Variants in SLMAP observed in about 807,000 individuals in gnomAD.
SLMAP encodes the protein sarcolemma associated protein.
In SLMAP, 44 loss-of-function variants were observed where a neutral mutation model predicts 128.8. That is an observed-to-expected ratio of 0.34 (90% CI 0.27 to 0.44). The LOEUF is 0.44. SLMAP is among the 20% of genes least tolerant of loss of function. The pLI is 1.00. For synonymous variants in SLMAP, 327 were observed against 348.8 expected (o/e 0.94, Z 0.70); for missense variants, 787 against 985.3 (o/e 0.80, Z 2.69).
chr3:57,786,691 G>A (rs1249108329), intron 2 of SLMAP, among the ~76,000 whole-genome samples: 2 of 149,306 alleles, frequency 1.3e-5, no homozygotes, highest in Non-Finnish European at 3.0e-5. Flanking sequence ...TGAGTAGCTG[G>A]TATTACAGGT....
intron 2 of SLMAP, among the ~76,000 whole-genome samples, chr3:57,826,851 C>A (rs187438718): frequency 2.6e-5 from 4 of 152,306 alleles, no homozygotes; most frequent in Admixed American, 6.5e-5. Context: ...CCCCAAATGC[C>A]CCCTTTGTTT....
chr3:57,792,905 A>AG lies in SLMAP; in HGVS notation c.198+35057dup, dbSNP rs1007720125. Among the ~76,000 whole-genome samples the AG allele has an allele frequency of 7.5e-4, 114 of 152,196 alleles. 1 individual carries two copies. Among genetic ancestry groups the AG allele is most frequent in the African/African-American group, 2.3e-3 (94 of 41,524 alleles). On this transcript the variant is annotated intron_variant, in intron 2 of 24. Coordinates refer to ENST00000671191, the MANE Select transcript of SLMAP (RefSeq NM_001377540.1). ...GTAATCCCAGCACTTTGAGAGGCTAAGCGGGGTGGATTGCTTGAGCTCAGG... is the reference window on the plus strand; with the variant it reads ...GTAATCCCAGCACTTTGAGAGGCTAAGGCGGGGTGGATTGCTTGAGCTCAGG...
intron 2 of SLMAP, among the ~76,000 whole-genome samples, chr3:57,784,785 G>C (rs965246177): frequency 6.6e-6 from 1 of 152,182 alleles, no homozygotes; most frequent in East Asian, 1.9e-4. Context: ...CAATGCAACA[G>C]CATTGGGAGG....
intron 2 of SLMAP, among the ~76,000 whole-genome samples, chr3:57,809,927 G>A (rs1018056783): frequency 3.9e-5 from 6 of 152,192 alleles, no homozygotes; most frequent in Admixed American, 3.9e-4. Context: ...CTTGGGACCT[G>A]CTGAAAGGCA....
rs767776129 is a variant in SLMAP, at chr3:57,831,368, TG to T, written c.199-14del. ...TTAATATTTGGCCCTTTTTTGTTTT[TG>T]TTTTTTTTTGCAGTTTTATCTTCAA... On this transcript the variant is annotated splice_polypyrimidine_tract_variant and intron_variant, in intron 2 of 24. Transcript: ENST00000671191. The T allele has an allele frequency of 6.8e-7, 1 of 1,464,522 alleles. No individual in the cohort carries two copies. Among genetic ancestry groups the T allele is most frequent in the Non-Finnish European group, 9.1e-7 (1 of 1,095,488 alleles). The allele number at this position is 1,464,522 out of a possible 1,614,324, so 90.7% of individuals were successfully genotyped here. A position where few individuals can be genotyped will look rare whatever the true frequency, so the allele number is the denominator to read the frequency against.
intron 2 of SLMAP, among the ~76,000 whole-genome samples, chr3:57,774,364 A>T (rs2081409504): frequency 6.6e-6 from 1 of 152,196 alleles, no homozygotes; most frequent in Non-Finnish European, 1.5e-5. Flanking sequence ...TGAAAAAATG[A>T]TTAAAAAGTA....
At chr3:57,802,081 T>G (rs1444222230) in intron 2 of SLMAP, among the ~76,000 whole-genome samples, 2 of 152,214 alleles carry the variant, frequency 1.3e-5, no homozygotes, top group African/African-American at 4.8e-5. Flanking sequence ...ATAATTTACA[T>G]TCCATAAAAT....
At chr3:57,849,453 G>A (rs2094427620) in intron 5 of SLMAP, among the ~76,000 whole-genome samples, 3 of 152,106 alleles carry the variant, frequency 2.0e-5, no homozygotes, top group Admixed American at 6.5e-5. Flanking sequence ...CCATTTTGAA[G>A]ATGGCTACTT....
chr3:57,812,960 A>G (rs1169579333), intron 2 of SLMAP, among the ~76,000 whole-genome samples: 4 of 151,620 alleles, frequency 2.6e-5, no homozygotes, highest in African/African-American at 7.3e-5. Flanking sequence ...ATTTTCCTGT[A>G]TTGTCTTTGT....
intron 3 of SLMAP, among the ~76,000 whole-genome samples, chr3:57,834,227 C>CTGG (rs2093505809): frequency 6.6e-6 from 1 of 151,962 alleles, no homozygotes; most frequent in Admixed American, 6.6e-5. Flanking sequence ...GTAAAAGAAT[C>CTGG]TGAAAAGGAG....
In SLMAP at chr3:57,864,700, G is replaced by A. The variant is rs759483873; in HGVS notation, c.1119G>A (p.Arg373=). ...CTGATAATGATTTCACCAATGAAAG[G>A]CTAACAGCTTTACAAGGTAAGTAGC... ...LQADNDFTNE[R]LTALQVRLEH... Residue 373 remains arginine, a synonymous_variant, in exon 11 of 25, where the codon AGG becomes AGA. Coordinates refer to ENST00000671191, the MANE Select transcript of SLMAP (RefSeq NM_001377540.1). 2.5e-6 allele frequency: 4 copies of A among 1,593,542 alleles called. No individual in the cohort carries two copies. Among genetic ancestry groups the A allele is most frequent in the East Asian group, 4.5e-5 (2 of 44,664 alleles).
intron 14 of SLMAP, among the ~76,000 whole-genome samples, chr3:57,883,486 G>T (rs1006086594): frequency 1.3e-5 from 2 of 152,176 alleles, no homozygotes; most frequent in Non-Finnish European, 2.9e-5. Flanking sequence ...GGCAATAAAA[G>T]CCTAAGAAGG....
intron 2 of SLMAP, chr3:57,800,975 C>G (rs1054972995): frequency 3.2e-5 from 9 of 285,472 alleles, no homozygotes; most frequent in African/African-American, 2.0e-4. Flanking sequence ...ATGCATTGAT[C>G]CTACTTTTCC....
chr3:57,859,529 T>G (rs2094950230), intron 8 of SLMAP, among the ~76,000 whole-genome samples: 1 of 152,038 alleles, frequency 6.6e-6, no homozygotes, highest in African/African-American at 2.4e-5. Flanking sequence ...CGCTCCAGCC[T>G]TGGTGACAAA....
chr3:57,926,690 G>A (rs1030917046), intron 24 of SLMAP, among the ~76,000 whole-genome samples: 1 of 152,212 alleles, frequency 6.6e-6, no homozygotes, highest in African/African-American at 2.4e-5. Context: ...TGTTAGTAGA[G>A]CATATGCGGT....
intron 2 of SLMAP, among the ~76,000 whole-genome samples, chr3:57,825,789 A>C (rs964421563): frequency 6.6e-6 from 1 of 152,160 alleles, no homozygotes; most frequent in Non-Finnish European, 1.5e-5. Context: ...CTGGGAATGC[A>C]GGCTGATGTC....
intron 2 of SLMAP, among the ~76,000 whole-genome samples, chr3:57,797,275 G>A (rs1439841074): frequency 7.9e-5 from 12 of 151,564 alleles, no homozygotes; most frequent in South Asian, 4.2e-4. Flanking sequence ...ACCTGAGGTC[G>A]GGAGTTTGAG....
chr3:57,918,139 A>G (rs192627677), intron 22 of SLMAP: 6 of 152,332 alleles, frequency 3.9e-5, no homozygotes, highest in East Asian at 1.9e-4. Flanking sequence ...CTTACTAAAG[A>G]TATGTGTTTT....
intron 9 of SLMAP, among the ~76,000 whole-genome samples, chr3:57,861,068 T>C (rs941313647): frequency 6.6e-6 from 1 of 152,112 alleles, no homozygotes; most frequent in African/African-American, 2.4e-5. Context: ...AACCAGGGAA[T>C]CTTATTGTTT....
Sources: allele counts gnomAD v4.1 joint callset (sites outside exome capture counted in the v4.1 genomes callset), GRCh38; gene constraint gnomAD v4.1.1; transcripts MANE v1.5; gene names NCBI Gene and HGNC (gene_info 2026-07-23, HGNC 2026-07-21).